PRIM2: variants seen among roughly 807,000 people sequenced by gnomAD.
PRIM2 encodes DNA primase subunit 2, also known as DNA primase large subunit.
A neutral mutation model predicts 67.3 loss-of-function variants in PRIM2; 39 were observed. The ratio of observed to expected loss-of-function variants is 0.58; its 90% CI spans 0.45 to 0.76. PRIM2 has a LOEUF of 0.76. PRIM2 is among the 30% of genes least tolerant of loss of function. The pLI is 0.00. For missense variants in PRIM2, 398 were observed against 598.7 expected (o/e 0.66, Z 3.50); for synonymous variants, 143 against 198.7 (o/e 0.72, Z 2.36).
At position 57,331,311 on chromosome 6, in the gene PRIM2, G is replaced by C. The variant is rs115179170; in HGVS notation, c.459+5266G>C. On this transcript the variant is annotated intron_variant, in intron 5 of 13. Transcript: ENST00000615550. ...ATCTTTTAATATGCTGCTTGGTTTG[G>C]TTTGCTAGTATTTTGTTGAGGATTT... Among the ~76,000 whole-genome samples the C allele has an allele frequency of 7.6e-3, 1,164 of 152,228 alleles. 8 individuals carry two copies. The highest frequency in any genetic ancestry group is 0.012 in the Non-Finnish European group (793 of 68,012).
the PRIM2 span, among the ~76,000 whole-genome samples, chr6:57,274,878 G>A: frequency 1.3e-5 from 2 of 151,856 alleles, no homozygotes. Context: ...CCAGGTTCAA[G>A]TGATTCCCCT....
chr6:57,582,069 C>T (rs1284303211), intron 10 of PRIM2, among the ~76,000 whole-genome samples: 2 of 152,176 alleles, frequency 1.3e-5, no homozygotes, highest in Non-Finnish European at 2.9e-5. Context: ...AAGCAGTTCT[C>T]CTGCCTCAGC....
intron 7 of PRIM2, among the ~76,000 whole-genome samples, chr6:57,440,882 C>A (rs1226322057): frequency 2.0e-5 from 3 of 152,088 alleles, no homozygotes; most frequent in Non-Finnish European, 4.4e-5. Flanking sequence ...ATTTAAACAG[C>A]AAAATTCAAA....
chr6:57,293,408 C>A, the PRIM2 span, among the ~76,000 whole-genome samples: 1 of 152,150 alleles, frequency 6.6e-6, no homozygotes, highest in African/African-American at 2.4e-5. Context: ...TTAGTTCAAC[C>A]ATTGTGGAAG....
intron 7 of PRIM2, among the ~76,000 whole-genome samples, chr6:57,399,905 G>A (rs900295330): frequency 1.3e-5 from 2 of 152,020 alleles, no homozygotes; most frequent in African/African-American, 2.4e-5. Context: ...TTTTTTTCTT[G>A]TAAATTTGTT....
chr6:57,267,276 C>T, the PRIM2 span, among the ~76,000 whole-genome samples: 2 of 152,096 alleles, frequency 1.3e-5, no homozygotes, highest in African/African-American at 4.8e-5. Flanking sequence ...TATTCATTAT[C>T]TACTGTGATG....
intron 10 of PRIM2, among the ~76,000 whole-genome samples, chr6:57,549,682 T>C (rs1285682545): frequency 1.5e-4 from 23 of 152,282 alleles, no homozygotes; most frequent in Non-Finnish European, 2.8e-4. Flanking sequence ...TGTTAACTTC[T>C]AGACACAAAT....
chr6:57,616,130 A>G (rs1776752538), intron 12 of PRIM2, among the ~76,000 whole-genome samples: 2 of 152,324 alleles, frequency 1.3e-5, no homozygotes, highest in Admixed American at 1.3e-4. Flanking sequence ...CTTATTATGT[A>G]GTAATGAGGG....
At chr6:57,272,135 C>T in the PRIM2 span, among the ~76,000 whole-genome samples, 1 of 152,136 alleles carries the variant, frequency 6.6e-6, no homozygotes, top group Non-Finnish European at 1.5e-5. Flanking sequence ...CTGTAGATGT[C>T]TATTAGGTCA....
chr6:57,350,585 C>T (rs533642940), intron 5 of PRIM2, among the ~76,000 whole-genome samples: 1 of 152,138 alleles, frequency 6.6e-6, no homozygotes, highest in African/African-American at 2.4e-5. Flanking sequence ...GATCTCTTTC[C>T]CTTGCTTCTT....
intron 5 of PRIM2, among the ~76,000 whole-genome samples, chr6:57,354,756 A>T (rs1768971353): frequency 6.6e-6 from 1 of 152,260 alleles, no homozygotes; most frequent in African/African-American, 2.4e-5. Context: ...GCAGGGCAAG[A>T]TGATTCACAA....
At chr6:57,269,771 A>G in the PRIM2 span, among the ~76,000 whole-genome samples, 19,542 of 151,698 alleles carry the variant, frequency 0.13, 1,345 homozygotes, top group East Asian at 0.2. Flanking sequence ...TAGGTCTAAC[A>G]TGTAAGTCTT....
chr6:57,392,072 T>C (rs4712154), intron 7 of PRIM2, among the ~76,000 whole-genome samples: 73,432 of 151,878 alleles, frequency 0.48, 18,996 homozygotes, highest in South Asian at 0.62. Flanking sequence ...GTAATTCTTA[T>C]TGTTGCGATC....
intron 7 of PRIM2, among the ~76,000 whole-genome samples, chr6:57,498,729 G>C (rs1554346580): frequency 2.0e-5 from 3 of 151,944 alleles, no homozygotes; most frequent in Non-Finnish European, 4.4e-5. Context: ...TTTTAATTTC[G>C]CCAGTGTTGG....
intron 10 of PRIM2, among the ~76,000 whole-genome samples, chr6:57,546,247 A>G (rs1306193829): frequency 1.3e-5 from 2 of 152,216 alleles, no homozygotes; most frequent in South Asian, 2.1e-4. Flanking sequence ...TTAAGAAACT[A>G]TTTTGCTTTA....
intron 5 of PRIM2, among the ~76,000 whole-genome samples, chr6:57,362,491 C>A (rs5001968): frequency 6.6e-6 from 1 of 152,108 alleles, no homozygotes; most frequent in South Asian, 2.1e-4. Context: ...TACTATGCTA[C>A]TGTTAGCTGC....
chr6:57,421,096 A>G (rs1181796525), intron 7 of PRIM2, among the ~76,000 whole-genome samples: 1 of 152,218 alleles, frequency 6.6e-6, no homozygotes, highest in Non-Finnish European at 1.5e-5. Flanking sequence ...GCACTCAGAG[A>G]AGCTCAAAGA....
At chr6:57,626,642 A>G (rs1262837301) in intron 12 of PRIM2, among the ~76,000 whole-genome samples, 35 of 143,316 alleles carry the variant, frequency 2.4e-4, no homozygotes, top group African/African-American at 7.7e-4. Flanking sequence ...TTTTTTTTTT[A>G]AAGACAGGGT....
intron 7 of PRIM2, among the ~76,000 whole-genome samples, chr6:57,434,204 T>G (rs1771935068): frequency 6.7e-6 from 1 of 150,294 alleles, no homozygotes; most frequent in African/African-American, 2.4e-5. Context: ...GGATTACAAG[T>G]GTGAGCCACC....
Sources: allele counts gnomAD v4.1 joint callset (sites outside exome capture counted in the v4.1 genomes callset), GRCh38; gene constraint gnomAD v4.1.1; transcripts MANE v1.5; gene names NCBI Gene and HGNC (gene_info 2026-07-23, HGNC 2026-07-21).